Variants in CABCOCO1 observed in about 807,000 individuals in gnomAD.
CABCOCO1 encodes ciliary-associated calcium-binding coiled-coil protein 1.
In CABCOCO1, 28 loss-of-function variants were observed where a neutral mutation model predicts 35.7. The observed-to-expected ratio is 0.78, with a 90% CI of 0.58 to 1.07. The LOEUF (loss-of-function observed/expected upper bound fraction) is 1.07, where lower values mean the gene tolerates loss of function less well. Ranked by LOEUF, CABCOCO1 falls within the 50% of genes least tolerant of loss-of-function variation. The pLI, the probability that CABCOCO1 is intolerant of heterozygous loss-of-function variation, is 0.00. For missense variants in CABCOCO1, 326 were observed against 309.2 expected (o/e 1.05, Z -0.41); for synonymous variants, 95 against 100.1 (o/e 0.95, Z 0.30).
At chr10:61,744,348 C>G (rs1841611055) in intron 5 of CABCOCO1, among the ~76,000 whole-genome samples, 1 of 152,080 alleles carries the variant, frequency 6.6e-6, no homozygotes. Flanking sequence ...TCATTGCAGT[C>G]ATATTTTGAG....
At position 61,758,695 on chromosome 10, in the gene CABCOCO1, A is replaced by G. The variant is rs2132090654; in HGVS notation, c.553-1364A>G. The stretch of plus-strand genomic sequence containing the variant: ...GGTTTAATTCCCAGCCCTGTCAAGA[A>G]GTAATTATTTGACCTTAGGCCAATC... On this transcript the variant is annotated intron_variant, in intron 5 of 7. Coordinates refer to ENST00000648843, the MANE Select transcript of CABCOCO1 (RefSeq NM_001366906.2). 2.0e-5 allele frequency among the ~76,000 whole-genome samples: 3 copies of G among 152,192 alleles called. 1 individual carries two copies. In the South Asian group the frequency reaches 6.2e-4, roughly 32 times the overall value.
chr10:61,677,742 G>T (rs377184668), intron 2 of CABCOCO1, among the ~76,000 whole-genome samples: 9 of 148,516 alleles, frequency 6.1e-5, no homozygotes, highest in African/African-American at 2.2e-4. Context: ...TCTCCTTCCC[G>T]TGTCCATGTG....
At chr10:61,720,990 TCTCGGTTAACTGCAAACTCCGCCTCC>T in intron 5 of CABCOCO1, among the ~76,000 whole-genome samples, 1 of 134,238 alleles carries the variant, frequency 7.4e-6, no homozygotes, top group Non-Finnish European at 1.6e-5. Context: ...GGTGGCGCGA[TCTCGGTTAACTGCAAACTCCGCCTCC>T]CGGGTTCACG....
chr10:61,749,281 A>G (rs118154969), intron 5 of CABCOCO1, among the ~76,000 whole-genome samples: 3,344 of 152,248 alleles, frequency 0.022, 64 homozygotes, highest in Non-Finnish European at 0.032. Flanking sequence ...TCATTCCTCT[A>G]TGTATTTTTT....
chr10:61,693,153 C>T (rs1840199024), intron 5 of CABCOCO1, among the ~76,000 whole-genome samples: 1 of 148,430 alleles, frequency 6.7e-6, no homozygotes, highest in Admixed American at 6.7e-5. Context: ...CCAAGCTGAC[C>T]AGAGCAATAA....
At chr10:61,754,779 G>A (rs1381171966) in intron 5 of CABCOCO1, among the ~76,000 whole-genome samples, 2 of 152,038 alleles carry the variant, frequency 1.3e-5, no homozygotes, top group African/African-American at 4.8e-5. Context: ...GTTGTACTGT[G>A]TTACCGTTCA....
intron 5 of CABCOCO1, among the ~76,000 whole-genome samples, chr10:61,691,990 A>G (rs1350872474): frequency 1.3e-5 from 2 of 152,072 alleles, no homozygotes; most frequent in Non-Finnish European, 2.9e-5. Context: ...ATGATTTATA[A>G]TCCTTTGGGT....
At chr10:61,692,530 A>T (rs1024785216) in intron 5 of CABCOCO1, among the ~76,000 whole-genome samples, 1 of 152,146 alleles carries the variant, frequency 6.6e-6, no homozygotes, top group African/African-American at 2.4e-5. Context: ...GAGTAACAGG[A>T]TATTCACATT....
At chr10:61,732,850 C>T (rs1841335286) in intron 5 of CABCOCO1, among the ~76,000 whole-genome samples, 1 of 151,984 alleles carries the variant, frequency 6.6e-6, no homozygotes, top group Non-Finnish European at 1.5e-5. Context: ...TCCTGGAGAA[C>T]AACTTGAAAA....
chr10:61,681,083 GA>G (rs1223294324), intron 2 of CABCOCO1, 59 bp from the exon 3 acceptor site: 8 of 1,079,496 alleles, frequency 7.4e-6, no homozygotes, highest in Non-Finnish European at 1.2e-6. Flanking sequence ...CAAAACTTAG[GA>G]AAGAAATGGT....
At chr10:61,693,029 C>T (rs1447156046) in intron 5 of CABCOCO1, among the ~76,000 whole-genome samples, 2 of 152,050 alleles carry the variant, frequency 1.3e-5, no homozygotes, top group Non-Finnish European at 2.9e-5. Context: ...CACAATCATG[C>T]CTTTCTTCTA....
intron 5 of CABCOCO1, among the ~76,000 whole-genome samples, chr10:61,720,384 T>G (rs1439774311): frequency 3.9e-5 from 6 of 152,214 alleles, no homozygotes; most frequent in Non-Finnish European, 7.3e-5. Context: ...AAAAGAGATT[T>G]GAATTACATA....
intron 5 of CABCOCO1, among the ~76,000 whole-genome samples, chr10:61,754,555 G>A (rs774007953): frequency 1.3e-5 from 2 of 152,010 alleles, no homozygotes; most frequent in Non-Finnish European, 2.9e-5. Flanking sequence ...AAAATACTCT[G>A]GAATCAGTTA....
chr10:61,694,035 G>A (rs994776331), intron 5 of CABCOCO1, among the ~76,000 whole-genome samples: 3 of 151,802 alleles, frequency 2.0e-5, no homozygotes, highest in African/African-American at 7.3e-5. Context: ...CCACATAGTT[G>A]ATGATTACTG....
At chr10:61,691,208 T>C (rs1431316170) in intron 5 of CABCOCO1, among the ~76,000 whole-genome samples, 1 of 152,190 alleles carries the variant, frequency 6.6e-6, no homozygotes, top group Non-Finnish European at 1.5e-5. Flanking sequence ...CTGTGTTATA[T>C]GGTTTCCTAA....
At chr10:61,727,037 G>A (rs980741889) in intron 5 of CABCOCO1, among the ~76,000 whole-genome samples, 1 of 151,958 alleles carries the variant, frequency 6.6e-6, no homozygotes, top group South Asian at 2.1e-4. Context: ...ACTCCAGCCT[G>A]GGCAACACAG....
At chr10:61,724,499 T>C (rs756722977) in intron 5 of CABCOCO1, among the ~76,000 whole-genome samples, 2 of 152,136 alleles carry the variant, frequency 1.3e-5, no homozygotes, top group Non-Finnish European at 2.9e-5. Context: ...CTGATAAACA[T>C]GGCATTCAAA....
At chr10:61,678,164 G>A (rs904714998) in intron 2 of CABCOCO1, among the ~76,000 whole-genome samples, 1 of 151,920 alleles carries the variant, frequency 6.6e-6, no homozygotes, top group African/African-American at 2.4e-5. Flanking sequence ...CTACTGATTT[G>A]GAATAATACC....
At chr10:61,727,568 A>G (rs1241261056) in intron 5 of CABCOCO1, among the ~76,000 whole-genome samples, 1 of 152,186 alleles carries the variant, frequency 6.6e-6, no homozygotes, top group African/African-American at 2.4e-5. Context: ...CTCTCTTCAA[A>G]TAGCAGAAAC....
Sources: gnomAD v4.1 joint callset for allele counts (sites outside exome capture counted in the v4.1 genomes callset) on GRCh38, gnomAD v4.1.1 for gene constraint, MANE v1.5 for transcripts, NCBI Gene and HGNC (gene_info 2026-07-23, HGNC 2026-07-21) for gene names.